The following NAALADL2 variants were observed in gnomAD, a reference collection of about 807,000 sequenced individuals.
The protein encoded by NAALADL2 is N-acetylated alpha-linked acidic dipeptidase like 2.
NAALADL2 carries 76 observed loss-of-function variants against 87.2 expected under a neutral mutation model. The observed-to-expected ratio is 0.87, with a 90% confidence interval of 0.72 to 1.05. NAALADL2 has a LOEUF of 1.05. Ranked by LOEUF, NAALADL2 falls within the 50% of genes least tolerant of loss-of-function variation. The pLI is 0.00. For synonymous variants in NAALADL2, 354 were observed against 331.0 expected (o/e 1.07, Z -0.75); for missense variants, 1,089 against 945.8 (o/e 1.15, Z -1.99).
intron 2 of NAALADL2, among the ~76,000 whole-genome samples, chr3:175,215,066 A>C (rs957828335): frequency 3.3e-5 from 5 of 152,130 alleles, no homozygotes; most frequent in African/African-American, 9.7e-5. Context: ...TCCCAAATGA[A>C]GTTACTTGAT....
chr3:174,691,780 C>A (rs1728605862), intron 2 of NAALADL2, among the ~76,000 whole-genome samples: 1 of 152,210 alleles, frequency 6.6e-6, no homozygotes, highest in African/African-American at 2.4e-5. Flanking sequence ...TAAATCTTCT[C>A]TTGTTATTTC....
intron 2 of NAALADL2, among the ~76,000 whole-genome samples, chr3:174,678,759 T>C (rs1277270757): frequency 2.0e-5 from 3 of 152,180 alleles, no homozygotes; most frequent in Non-Finnish European, 4.4e-5. Context: ...TGGTAGATTG[T>C]ATCGATTATT....
intron 11 of NAALADL2, among the ~76,000 whole-genome samples, chr3:175,699,299 A>G (rs536064360): frequency 6.6e-6 from 1 of 152,130 alleles, no homozygotes; most frequent in South Asian, 2.1e-4. Context: ...TATTATAATT[A>G]ATTGAGTCTT....
intron 3 of NAALADL2, among the ~76,000 whole-genome samples, chr3:174,833,933 A>G (rs901800026): frequency 6.6e-6 from 1 of 151,122 alleles, no homozygotes; most frequent in Admixed American, 6.6e-5. Context: ...ACATAAACCT[A>G]GAGTAAACAT....
chr3:174,898,499 A>T (rs1428024449), intron 1 of NAALADL2, among the ~76,000 whole-genome samples: 1 of 152,082 alleles, frequency 6.6e-6, no homozygotes, highest in African/African-American at 2.4e-5. Context: ...TAATGTGAAG[A>T]ATATAATTCG....
rs148640452 is a variant in NAALADL2, at chr3:175,702,763, A to G, written c.1897-34543A>G. On this transcript the variant is annotated intron_variant, in intron 11 of 13. Transcript: ENST00000454872. Reference sequence around the variant, plus strand: ...GAACATCTTCATTTCTGTCTATTTCATATACTCTAAGAATCCCCTCTACTT... The same window carrying G: ...GAACATCTTCATTTCTGTCTATTTCGTATACTCTAAGAATCCCCTCTACTT... Among the ~76,000 whole-genome samples the G allele has an allele frequency of 7.2e-3, 1,100 of 152,280 alleles. 2 individuals are homozygous for G. The highest frequency in any genetic ancestry group is 0.013 in the Admixed American group (197 of 15,296).
chr3:174,610,228 G>C (rs1244344842), intron 2 of NAALADL2, among the ~76,000 whole-genome samples: 1 of 151,512 alleles, frequency 6.6e-6, no homozygotes, highest in African/African-American at 2.4e-5. Flanking sequence ...GAAAACCTAG[G>C]CATTACCATT....
At chr3:175,214,341 C>T (rs1211069853) in intron 2 of NAALADL2, among the ~76,000 whole-genome samples, 1 of 152,158 alleles carries the variant, frequency 6.6e-6, no homozygotes, top group Admixed American at 6.6e-5. Flanking sequence ...TTCTGCTGAA[C>T]TTTCAGCAAT....
At chr3:175,802,177 A>G (rs971052459) in intron 13 of NAALADL2, among the ~76,000 whole-genome samples, 11 of 152,086 alleles carry the variant, frequency 7.2e-5, no homozygotes, top group African/African-American at 2.7e-4. Context: ...GCACTTTTAG[A>G]AAACATTGAT....
chr3:174,605,330 C>A (rs1718898688), intron 2 of NAALADL2, among the ~76,000 whole-genome samples: 1 of 152,140 alleles, frequency 6.6e-6, no homozygotes, highest in African/African-American at 2.4e-5. Context: ...ACAGTGGGTG[C>A]AGCGCACCGT....
At chr3:174,639,224 C>A (rs1722939285) in intron 2 of NAALADL2, among the ~76,000 whole-genome samples, 2 of 152,172 alleles carry the variant, frequency 1.3e-5, no homozygotes, top group African/African-American at 2.4e-5. Context: ...TGTGTGGTAT[C>A]ATGGTATACA....
chr3:174,854,032 T>C (rs1371411617), intron 3 of NAALADL2, among the ~76,000 whole-genome samples: 1 of 152,178 alleles, frequency 6.6e-6, no homozygotes, highest in Admixed American at 6.5e-5. Context: ...CTGCTGGGTG[T>C]ATATTCAAAA....
chr3:174,510,687 C>A (rs1414644591), intron 1 of NAALADL2, among the ~76,000 whole-genome samples: 1 of 151,624 alleles, frequency 6.6e-6, no homozygotes, highest in Non-Finnish European at 1.5e-5. Context: ...TGTCCATTTT[C>A]TATTTCATAG....
chr3:174,990,789 G>T (rs1746627202), intron 1 of NAALADL2, among the ~76,000 whole-genome samples: 1 of 152,102 alleles, frequency 6.6e-6, no homozygotes, highest in Non-Finnish European at 1.5e-5. Context: ...CTGATGGCTG[G>T]CTCTATTTCC....
intron 6 of NAALADL2, among the ~76,000 whole-genome samples, chr3:175,458,227 TTGAAG>T (rs1203366293): frequency 6.6e-6 from 1 of 152,036 alleles, no homozygotes; most frequent in African/African-American, 2.4e-5. Flanking sequence ...TCTATTGCTA[TTGAAG>T]TGTTGTTTCT....
chr3:174,463,297 C>G (rs1716322516), intron 1 of NAALADL2, among the ~76,000 whole-genome samples: 1 of 152,078 alleles, frequency 6.6e-6, no homozygotes, highest in African/African-American at 2.4e-5. Flanking sequence ...AAGCCTTCCA[C>G]TTGTTGGAAA....
chr3:175,465,167 G>C (rs1582000346), intron 7 of NAALADL2, among the ~76,000 whole-genome samples: 1 of 151,638 alleles, frequency 6.6e-6, no homozygotes, highest in East Asian at 1.9e-4. Context: ...CAGGAGAATG[G>C]CGTGAACCCG....
chr3:175,314,562 A>T (rs925711219), intron 4 of NAALADL2, among the ~76,000 whole-genome samples: 15 of 40,526 alleles, frequency 3.7e-4, no homozygotes, highest in Non-Finnish European at 5.0e-4. Context: ...TCACATTCTA[A>T]CTATATATAT....
rs1430198438 is a variant in NAALADL2, at chr3:175,187,769, G to T, written c.546-46162G>T. Among the ~76,000 whole-genome samples, 26 of 151,982 alleles carry T rather than the reference G, an allele frequency of 1.7e-4. 1 individual carries two copies. Among genetic ancestry groups the T allele is most frequent in the Admixed American group, 1.6e-3 (25 of 15,256 alleles). On this transcript the variant is annotated intron_variant, in intron 2 of 13. Transcript: ENST00000454872. The stretch of plus-strand genomic sequence containing the variant: ...AATATGGAACCACTCAGAAAGCATT[G>T]GCTGCCTCCCATATTATGGGCCAAG...
Sources: gnomAD v4.1 joint callset for allele counts (sites outside exome capture counted in the v4.1 genomes callset) on GRCh38, gnomAD v4.1.1 for gene constraint, MANE v1.5 for transcripts, NCBI Gene and HGNC (gene_info 2026-07-23, HGNC 2026-07-21) for gene names.